Variants in SYK observed in about 807,000 individuals in gnomAD.
SYK encodes spleen associated tyrosine kinase.
SYK carries 16 observed loss-of-function variants against 77.8 expected under a neutral mutation model. The ratio of observed to expected loss-of-function variants is 0.21; its 90% CI spans 0.14 to 0.31. The LOEUF (loss-of-function observed/expected upper bound fraction) is 0.31. SYK is among the 10% of genes least tolerant of loss of function. The pLI is 1.00. For synonymous variants in SYK, 312 were observed against 308.7 expected (o/e 1.01, Z -0.11); for missense variants, 529 against 814.4 (o/e 0.65, Z 4.26).
At chr9:90,824,760 G>A (rs1300090643) in intron 1 of SYK, among the ~76,000 whole-genome samples, 6 of 151,386 alleles carry the variant, frequency 4.0e-5, no homozygotes, top group African/African-American at 1.2e-4. Flanking sequence ...AAACCTACAG[G>A]TAACATCATA....
rs1421942644 is a variant in SYK at position 90,897,348 on chromosome 9, G to C, written c.*1748G>C. On this transcript the variant is annotated 3_prime_UTR_variant, in exon 14 of 14. Coordinates refer to ENST00000375754, the MANE Select transcript of SYK (RefSeq NM_003177.7). The stretch of plus-strand genomic sequence containing the variant: ...TTTAAAGACAGAATCCCTGAGTGCT[G>C]AGCAGATTCTCAAAACACATTTAGA... 1 of 231,198 alleles carries C rather than the reference G, an allele frequency of 4.3e-6. No homozygotes were observed. The highest frequency in any genetic ancestry group is 6.1e-5 in the East Asian group (1 of 16,362). The allele number at this position is 231,198 out of a possible 1,614,324, so 14.3% of individuals were successfully genotyped here.
At chr9:90,806,480 T>G (rs1396207165) in intron 1 of SYK, among the ~76,000 whole-genome samples, 1 of 152,100 alleles carries the variant, frequency 6.6e-6, no homozygotes, top group Non-Finnish European at 1.5e-5. Flanking sequence ...AGCAATCCTC[T>G]TGCCTCAGCC....
chr9:90,812,295 C>G (rs948178355), intron 1 of SYK, among the ~76,000 whole-genome samples: 2 of 152,046 alleles, frequency 1.3e-5, no homozygotes, highest in Non-Finnish European at 2.9e-5. Flanking sequence ...TAGGATGAGA[C>G]CAGGAAGAGA....
intron 3 of SYK, among the ~76,000 whole-genome samples, chr9:90,854,967 T>TC (rs1047507561): frequency 6.9e-6 from 1 of 144,774 alleles, no homozygotes; most frequent in African/African-American, 2.6e-5. Context: ...CCTCACTTCT[T>TC]CCCCCTACAG....
chr9:90,884,727 G>A (rs1225906976), intron 11 of SYK, among the ~76,000 whole-genome samples: 1 of 37,814 alleles, frequency 2.6e-5, no homozygotes, highest in Non-Finnish European at 4.2e-5. Flanking sequence ...ATACACATAT[G>A]TGTACATGTA....
intron 1 of SYK, among the ~76,000 whole-genome samples, chr9:90,832,245 G>T (rs1462728918): frequency 1.3e-5 from 2 of 152,218 alleles, no homozygotes; most frequent in African/African-American, 4.8e-5. Context: ...TTTGTTTCAT[G>T]CATAAGATGG....
rs577986649 is a variant in SYK, at chr9:90,844,195, G to A, written c.297G>A (p.Leu99=). The change falls in exon 2 of 14, where the codon CTG becomes CTA. Residue 99 remains leucine (L), a synonymous_variant. Transcript: ENST00000375754. ...ACCACTCCCAGGAGTCTGATGGCCT[G>A]GTCTGCCTCCTCAAGAAGCCCTTCA... ...CHYHSQESDG[L]VCLLKKPFNR... The A allele has an allele frequency of 1.2e-6, 2 of 1,614,226 alleles. No homozygotes were observed. The highest frequency in any genetic ancestry group is 3.3e-5 in the Admixed American group (2 of 60,032).
chr9:90,833,572 G>GGTGTGAGCA (rs1462222458), intron 1 of SYK, among the ~76,000 whole-genome samples: 1 of 152,148 alleles, frequency 6.6e-6, no homozygotes, highest in African/African-American at 2.4e-5. Context: ...TGCTTGCTCA[G>GGTGTGAGCA]GTGTGAGCAT....
At chr9:90,857,699 C>T (rs1290916381) in intron 3 of SYK, among the ~76,000 whole-genome samples, 6 of 152,168 alleles carry the variant, frequency 3.9e-5, no homozygotes, top group South Asian at 2.1e-4. Flanking sequence ...GGACCTCATT[C>T]GCTCCCACAT....
chr9:90,849,115 A>G (rs1158661648), intron 3 of SYK, among the ~76,000 whole-genome samples: 2 of 152,202 alleles, frequency 1.3e-5, no homozygotes, highest in African/African-American at 4.8e-5. Flanking sequence ...TGCTTTGGGC[A>G]AGTTGGGGGG....
chr9:90,888,456 TTTTG>T, intron 12 of SYK, 55 bp from the exon 13 acceptor site: 1 of 1,328,742 alleles, frequency 7.5e-7, no homozygotes, highest in Non-Finnish European at 1.0e-6. Flanking sequence ...GGCTGTTTTG[TTTTG>T]TTTGACTAAC....
chr9:90,874,632 G>A (rs773190280), intron 8 of SYK, 40 bp from the exon 9 acceptor site: 2 of 1,577,808 alleles, frequency 1.3e-6, no homozygotes, highest in Non-Finnish European at 1.7e-6. Context: ...CCTGGTGTGG[G>A]GTCCAGCCCC....
At chr9:90,862,525 C>T (rs1010024501) in intron 4 of SYK, among the ~76,000 whole-genome samples, 181 bp downstream of exon 4, 3 of 152,168 alleles carry the variant, frequency 2.0e-5, no homozygotes, top group Non-Finnish European at 2.9e-5. Flanking sequence ...GGGCTCCTGC[C>T]CCACCTGCCC....
At chr9:90,851,808 G>A (rs1826834267) in intron 3 of SYK, among the ~76,000 whole-genome samples, 1 of 152,140 alleles carries the variant, frequency 6.6e-6, no homozygotes, top group Admixed American at 6.5e-5. Flanking sequence ...TCCCCAAAAG[G>A]GAGGATCCAG....
At chr9:90,833,764 G>C (rs1463219767) in intron 1 of SYK, among the ~76,000 whole-genome samples, 1 of 152,168 alleles carries the variant, frequency 6.6e-6, no homozygotes, top group East Asian at 1.9e-4. Flanking sequence ...CATTTTAAAG[G>C]GCAAAGGTTG....
At chr9:90,878,735 A>G in intron 10 of SYK, 29 bp from the exon 11 acceptor site, 1 of 1,583,804 alleles carries the variant, frequency 6.3e-7, no homozygotes, top group Non-Finnish European at 8.7e-7. Context: ...ACTGTCTGTT[A>G]TAGCTGATGA....
intron 1 of SYK, among the ~76,000 whole-genome samples, chr9:90,843,493 T>A (rs889516159): frequency 2.0e-5 from 3 of 152,222 alleles, no homozygotes; most frequent in Admixed American, 6.5e-5. Context: ...GCCTCCTGTA[T>A]GCTGCTGGGA....
intron 1 of SYK, among the ~76,000 whole-genome samples, chr9:90,820,859 CTCT>C (rs1253467840): frequency 1.3e-5 from 2 of 148,248 alleles, no homozygotes; most frequent in East Asian, 3.9e-4. Context: ...AACTTTTATG[CTCT>C]TTTTTTTTTT....
At chr9:90,821,656 A>G (rs1454076441) in intron 1 of SYK, among the ~76,000 whole-genome samples, 1 of 152,232 alleles carries the variant, frequency 6.6e-6, no homozygotes, top group Non-Finnish European at 1.5e-5. Context: ...ACAGAGTGGC[A>G]CAAAATTTTA....
Sources: gnomAD v4.1 joint callset for allele counts (sites outside exome capture counted in the v4.1 genomes callset) on GRCh38, gnomAD v4.1.1 for gene constraint, MANE v1.5 for transcripts, NCBI Gene and HGNC (gene_info 2026-07-23, HGNC 2026-07-21) for gene names.